The following SCIN variants were observed in gnomAD, a reference collection of about 807,000 sequenced individuals.
The protein encoded by SCIN is scinderin, also known as adseverin.
Under a neutral mutation model 91.8 loss-of-function variants are expected in SCIN, and 91 were observed. The ratio of observed to expected loss-of-function variants is 0.99; its 90% CI spans 0.84 to 1.18. SCIN has a LOEUF of 1.18. Ranked by LOEUF, SCIN falls within the 50% of genes most tolerant of loss-of-function variation. The probability of loss-of-function intolerance (pLI) is 0.00; values close to 1 mark genes in which losing one functional copy is unlikely to be tolerated. For synonymous variants in SCIN, 367 were observed against 312.6 expected, an observed-to-expected ratio of 1.17 and a Z score of -1.84; for missense variants, 1,087 against 863.9, an observed-to-expected ratio of 1.26 and a Z score of -3.24.
chr7:12,609,031 A>G (rs576436831), intron 4 of SCIN, among the ~76,000 whole-genome samples: 1 of 152,258 alleles, frequency 6.6e-6, no homozygotes, highest in Non-Finnish European at 1.5e-5. Context: ...CTTTAGTTTG[A>G]AGTATTTCAG....
chr7:12,623,841 A>G (rs754138495), intron 5 of SCIN, among the ~76,000 whole-genome samples: 1 of 152,184 alleles, frequency 6.6e-6, no homozygotes, highest in African/African-American at 2.4e-5. Flanking sequence ...TCTAGATGCA[A>G]AAGGAAATAT....
At chr7:12,586,898 T>C (rs1421450375) in intron 3 of SCIN, among the ~76,000 whole-genome samples, 1 of 150,902 alleles carries the variant, frequency 6.6e-6, no homozygotes, top group Non-Finnish European at 1.5e-5. Flanking sequence ...ATCTAGAGAG[T>C]AGAATTGTGG....
At chr7:12,604,233 A>G (rs1783024394) in intron 3 of SCIN, among the ~76,000 whole-genome samples, 1 of 152,086 alleles carries the variant, frequency 6.6e-6, no homozygotes, top group Non-Finnish European at 1.5e-5. Context: ...TATTATTTCA[A>G]ATTTAATCCA....
rs75890406 is a variant in SCIN, at chr7:12,584,391, A to G, written c.516+3170A>G. Among the ~76,000 whole-genome samples, 65 of 152,344 alleles carry G rather than the reference A, an allele frequency of 4.3e-4. No homozygotes were observed. The East Asian group carries it at 9.4e-3, about 22-fold the overall frequency. On this transcript the variant is annotated intron_variant, in intron 3 of 15. Transcript: ENST00000297029. ...CACCTGGCCAAAACTAAGGTTATGG[A>G]TATAACCTAAATCCCATACCTTGAT...
rs1489604940 is a variant in SCIN, at chr7:12,629,364, T to C, written c.1319+142T>C. 5 of 778,036 alleles carry C rather than the reference T, an allele frequency of 6.4e-6. No individual in the cohort carries two copies. The African/African-American group carries it at 9.0e-5, about 14-fold the overall frequency. The allele number at this position is 778,036 out of a possible 1,614,324, so 48.2% of individuals were successfully genotyped here. On this transcript the variant is annotated intron_variant, in intron 9 of 15. Transcript: ENST00000297029. ...ATAGCATGCATATAGTATTTTCTTT[T>C]TACATGATTTTGACTATGTTTTGCA...
At chr7:12,601,375 A>T (rs993833369) in intron 3 of SCIN, among the ~76,000 whole-genome samples, 4 of 152,102 alleles carry the variant, frequency 2.6e-5, no homozygotes, top group Non-Finnish European at 5.9e-5. Context: ...TGGATGTTTT[A>T]TTTTGCTATT....
intron 4 of SCIN, 87 bp downstream of exon 4, chr7:12,604,750 G>GTGT: frequency 1.7e-6 from 2 of 1,154,976 alleles, no homozygotes; most frequent in Non-Finnish European, 1.2e-6. Context: ...AAGGCAGCAG[G>GTGT]GTGGGGAAGA....
At chr7:12,615,941 C>T (rs1181304771) in intron 4 of SCIN, among the ~76,000 whole-genome samples, 1 of 151,962 alleles carries the variant, frequency 6.6e-6, no homozygotes, top group Non-Finnish European at 1.5e-5. Flanking sequence ...GTACCTTTTC[C>T]TCAAAGGATA....
Position 12,640,504 on chromosome 7 carries a change from CCAGAA to C in SCIN, c.1569_1573del (p.Arg524CysfsTer4). The C allele has an allele frequency of 6.2e-7, 1 of 1,610,640 alleles. No individual in the cohort carries two copies. Among genetic ancestry groups the C allele is most frequent in the Non-Finnish European group, 8.5e-7 (1 of 1,178,442 alleles). On this transcript the variant is annotated frameshift_variant, in exon 11 of 16. Coordinates refer to ENST00000297029, the MANE Select transcript of SCIN (RefSeq NM_001112706.3). LOFTEE classifies it high-confidence loss of function. ...GTCCGGAGAAACCTGGCATCTATCA[CCAGAA>C]TTGTGGAGGTAATGTCATGCATTCC...
intron 4 of SCIN, among the ~76,000 whole-genome samples, chr7:12,618,708 A>G (rs1283882201): frequency 1.3e-5 from 2 of 152,104 alleles, no homozygotes; most frequent in Non-Finnish European, 2.9e-5. Flanking sequence ...TACCATAACA[A>G]CAAGGATTAG....
intron 1 of SCIN, among the ~76,000 whole-genome samples, chr7:12,572,966 C>T (rs1049354358): frequency 6.6e-6 from 1 of 151,486 alleles, no homozygotes; most frequent in Non-Finnish European, 1.5e-5. Context: ...ACTGTGAAAG[C>T]ACAAAGTTTC....
intron 3 of SCIN, among the ~76,000 whole-genome samples, chr7:12,581,918 TAAAG>T (rs1159367034): frequency 2.0e-5 from 3 of 152,104 alleles, no homozygotes; most frequent in Non-Finnish European, 4.4e-5. Context: ...ATAATAGAAA[TAAAG>T]AGCATTTCCC....
Position 12,659,649 on chromosome 7 carries a change from A to T in SCIN, c.*6934A>T, listed in dbSNP as rs867793378. The T allele has an allele frequency of 7.2e-5, 11 of 152,876 alleles. No homozygotes were observed. Among genetic ancestry groups the T allele is most frequent in the African/African-American group, 2.7e-4 (11 of 41,456 alleles). 9.5% of individuals were successfully genotyped at this position (152,876 alleles called of 1,614,324 possible). A position where few individuals can be genotyped will look rare whatever the true frequency, so the allele number is the denominator to read the frequency against. ...ACAGATATCACAGGTAAACAGTGCAAATCACTGTCCCTAGTCTGAGCCATA... is the reference window on the plus strand; with the variant it reads ...ACAGATATCACAGGTAAACAGTGCATATCACTGTCCCTAGTCTGAGCCATA... On this transcript the variant is annotated 3_prime_UTR_variant, in exon 16 of 16. Coordinates refer to ENST00000297029, the MANE Select transcript of SCIN (RefSeq NM_001112706.3).
chr7:12,584,666 T>G (rs890389968), intron 3 of SCIN, among the ~76,000 whole-genome samples: 1 of 152,170 alleles, frequency 6.6e-6, no homozygotes, highest in East Asian at 1.9e-4. Context: ...GACAATAACA[T>G]GAAATGTGGC....
chr7:12,588,167 A>ATT (rs1238802711), intron 3 of SCIN, among the ~76,000 whole-genome samples: 2 of 152,204 alleles, frequency 1.3e-5, no homozygotes, highest in Non-Finnish European at 2.9e-5. Context: ...GCCTTGAGGC[A>ATT]ATAAGAATGG....
chr7:12,603,660 A>T (rs964398278), intron 3 of SCIN, among the ~76,000 whole-genome samples: 4 of 152,218 alleles, frequency 2.6e-5, no homozygotes, highest in African/African-American at 9.6e-5. Context: ...ACTATACCAA[A>T]ATCTACAATC....
intron 4 of SCIN, among the ~76,000 whole-genome samples, chr7:12,609,975 T>G (rs1393620314): frequency 6.6e-6 from 1 of 152,220 alleles, no homozygotes; most frequent in Admixed American, 6.5e-5. Flanking sequence ...TCTGCTTACT[T>G]TATTGTCTGG....
intron 10 of SCIN, among the ~76,000 whole-genome samples, chr7:12,637,495 G>A (rs560092970): frequency 2.6e-5 from 4 of 151,974 alleles, no homozygotes; most frequent in Admixed American, 6.6e-5. Context: ...GGGAGAAAGG[G>A]GAAAGAAAAG....
intron 3 of SCIN, chr7:12,595,721 TG>T (rs1782827043): frequency 6.6e-6 from 1 of 152,210 alleles, no homozygotes; most frequent in Admixed American, 6.5e-5. Flanking sequence ...ACTTGACCCC[TG>T]AAGATTCTGA....
Sources: gnomAD v4.1 joint callset for allele counts (sites outside exome capture counted in the v4.1 genomes callset) on GRCh38, gnomAD v4.1.1 for gene constraint, MANE v1.5 for transcripts, NCBI Gene and HGNC (gene_info 2026-07-23, HGNC 2026-07-21) for gene names.